Variants in CIB4 observed in about 807,000 individuals in gnomAD.
CIB4 encodes calcium and integrin-binding family member 4.
In CIB4, 25 loss-of-function variants were observed where a neutral mutation model predicts 25.8. That is an observed-to-expected ratio of 0.97 (90% confidence interval 0.71 to 1.35). CIB4 has a LOEUF of 1.35. Ranked by LOEUF, CIB4 falls within the 40% of genes most tolerant of loss-of-function variation. CIB4 has a pLI of 0.00. For synonymous variants in CIB4, 75 were observed against 81.4 expected (o/e 0.92, Z 0.42); for missense variants, 235 against 228.2 (o/e 1.03, Z -0.19).
At chr2:26,629,388 C>A in intron 3 of CIB4, 22 bp downstream of exon 3, 1 of 1,515,334 alleles carries the variant, frequency 6.6e-7, no homozygotes, top group Non-Finnish European at 9.0e-7. Context: ...TGCCCTTGCC[C>A]CACCCACCAT....
In CIB4 at chr2:26,582,861, A is replaced by G. The variant is rs764263564; in HGVS notation, c.491T>C (p.Phe164Ser). 2.5e-6 allele frequency: 4 copies of G among 1,613,668 alleles called. No homozygotes were observed. The highest frequency in any genetic ancestry group is 2.2e-5 in the South Asian group (2 of 91,042). Residue 164 changes from phenylalanine to serine, a missense_variant, in exon 6 of 7, where the codon TTT (phenylalanine) becomes TCT (serine). Transcript: ENST00000288861. ...DNDNMLSFSE[F>S]EHAMAKSPDF... ...TGGAGACTTGGCCATTGCATGTTCA[A>G]ACTCTGAGAAGGACAGCATGTTGTC...
chr2:26,592,720 A>G (rs1351128999), intron 4 of CIB4, among the ~76,000 whole-genome samples: 1 of 152,166 alleles, frequency 6.6e-6, no homozygotes, highest in Admixed American at 6.5e-5. Flanking sequence ...CTCTTCTGTT[A>G]TCTCAATTCT....
chr2:26,620,263 C>G (rs1669180214), intron 3 of CIB4, among the ~76,000 whole-genome samples: 1 of 152,212 alleles, frequency 6.6e-6, no homozygotes, highest in Non-Finnish European at 1.5e-5. Flanking sequence ...ATCCCGGAAT[C>G]CCCTACAGAC....
At chr2:26,633,931 C>G (rs1055678066) in intron 2 of CIB4, among the ~76,000 whole-genome samples, 2 of 152,152 alleles carry the variant, frequency 1.3e-5, no homozygotes, top group South Asian at 2.1e-4. Flanking sequence ...GTCCCAGCAT[C>G]CCCCCAGCTC....
At chr2:26,638,507 C>T (rs1322849711) in intron 2 of CIB4, among the ~76,000 whole-genome samples, 3 of 152,348 alleles carry the variant, frequency 2.0e-5, no homozygotes, top group East Asian at 3.9e-4. Flanking sequence ...CATGCTCTCT[C>T]CTGGCATATA....
chr2:26,640,709 G>A, intron 1 of CIB4, 142 bp from the exon 2 acceptor site: 1 of 799,200 alleles, frequency 1.3e-6, no homozygotes. Context: ...TGAGGTGGAT[G>A]CCTGAGGTGG....
chr2:26,589,003 T>C (rs376402518), intron 4 of CIB4, among the ~76,000 whole-genome samples: 8,048 of 25,794 alleles, frequency 0.31, 991 homozygotes, highest in Middle Eastern at 0.44. Context: ...CTTCTTCTTC[T>C]TCTTCTTCTT....
rs142942365 is a variant in CIB4, at chr2:26,616,656, G to A, written c.186+12754C>T. 1.6e-4 allele frequency among the ~76,000 whole-genome samples: 24 copies of A among 152,266 alleles called. No homozygotes were observed. In the East Asian group the frequency reaches 3.5e-3, roughly 22 times the overall value. ...ACCCAAGACAGACACTCCACAGGGC[G>A]TCCCAGATGTGTATGAGAAAAGCTA... On this transcript the variant is annotated intron_variant, in intron 3 of 6. Coordinates refer to ENST00000288861, the MANE Select transcript of CIB4 (RefSeq NM_001029881.3).
intron 4 of CIB4, among the ~76,000 whole-genome samples, chr2:26,593,882 C>T (rs1463884439): frequency 1.3e-5 from 2 of 152,008 alleles, no homozygotes; most frequent in East Asian, 1.9e-4. Context: ...GAGATATGGG[C>T]GTAGTTTACA....
Position 26,629,258 on chromosome 2 carries a change from C to G in CIB4, c.186+152G>C, listed in dbSNP as rs189260688. 3.4e-5 allele frequency: 21 copies of G among 621,384 alleles called. 1 individual carries two copies. The highest frequency in any genetic ancestry group is 1.3e-4 in the African/African-American group (7 of 55,214). The allele number at this position is 621,384 out of a possible 1,614,324, so 38.5% of individuals were successfully genotyped here. A position where few individuals can be genotyped will look rare whatever the true frequency, so the allele number is the denominator to read the frequency against. The stretch of plus-strand genomic sequence containing the variant: ...AGTGTTTGGGAGCCATGTCCTTGCA[C>G]TCCTCTGCCTGGAGGATCAGGAGCC... On this transcript the variant is annotated intron_variant, in intron 3 of 6. Transcript: ENST00000288861.
chr2:26,597,653 A>T (rs1254382665), intron 3 of CIB4, among the ~76,000 whole-genome samples: 2 of 152,136 alleles, frequency 1.3e-5, no homozygotes, highest in Non-Finnish European at 2.9e-5. Context: ...TTGTCCTTAA[A>T]TTTTTTTATT....
At chr2:26,606,409 C>G (rs1176447486) in intron 3 of CIB4, among the ~76,000 whole-genome samples, 1 of 152,184 alleles carries the variant, frequency 6.6e-6, no homozygotes, top group Non-Finnish European at 1.5e-5. Flanking sequence ...AGGCCAAATC[C>G]AGAAGGGAGG....
rs1354320072 is a variant in CIB4, at chr2:26,589,041, CTT to C, written c.329-5145_329-5144del. ...TCTTCTTCTTCTTCTTCTTCTTCTT[CTT>C]CTTCTTCTTCTTCTTCCTCTTCCTC... On this transcript the variant is annotated intron_variant, in intron 4 of 6. Transcript: ENST00000288861. Among the ~76,000 whole-genome samples the C allele has an allele frequency of 3.8e-4, 19 of 49,592 alleles. 2 individuals carry two copies. Among genetic ancestry groups the C allele is most frequent in the African/African-American group, 1.3e-3 (15 of 11,988 alleles). The allele number at this position is 49,592 out of a possible 152,430, so 32.5% of individuals were successfully genotyped here. A position where few individuals can be genotyped will look rare whatever the true frequency, so the allele number is the denominator to read the frequency against.
chr2:26,638,266 G>A (rs1042897312), intron 2 of CIB4, among the ~76,000 whole-genome samples: 7 of 152,300 alleles, frequency 4.6e-5, no homozygotes, highest in Admixed American at 6.5e-5. Flanking sequence ...GCTCTTCTCC[G>A]GGGAAAGGCA....
chr2:26,598,660 G>A (rs143888625), intron 3 of CIB4, among the ~76,000 whole-genome samples: 1 of 152,158 alleles, frequency 6.6e-6, no homozygotes, highest in East Asian at 1.9e-4. Context: ...TGTAAGGCCT[G>A]GCAGGCACCT....
At chr2:26,595,053 C>G in intron 4 of CIB4, 123 bp downstream of exon 4, 3 of 924,916 alleles carry the variant, frequency 3.2e-6, no homozygotes. Flanking sequence ...TGACACAGAC[C>G]CACAGATACC....
At chr2:26,624,263 G>A (rs904369623) in intron 3 of CIB4, among the ~76,000 whole-genome samples, 3 of 152,232 alleles carry the variant, frequency 2.0e-5, no homozygotes, top group Non-Finnish European at 4.4e-5. Context: ...TTCCAGAGAC[G>A]TGTTCTGGGC....
intron 3 of CIB4, among the ~76,000 whole-genome samples, chr2:26,596,746 TAA>T (rs11286952): frequency 5.8e-3 from 828 of 143,070 alleles, no homozygotes; most frequent in Middle Eastern, 0.025. Context: ...AAACTGCATC[TAA>T]AAAAAAAAAA....
chr2:26,599,273 C>T (rs982699754), intron 3 of CIB4, among the ~76,000 whole-genome samples: 5 of 151,960 alleles, frequency 3.3e-5, no homozygotes, highest in Admixed American at 6.5e-5. Flanking sequence ...TCCATTTATA[C>T]GTGATGAAAC....
Sources: allele counts gnomAD v4.1 joint callset (sites outside exome capture counted in the v4.1 genomes callset), GRCh38; gene constraint gnomAD v4.1.1; transcripts MANE v1.5; gene names NCBI Gene and HGNC (gene_info 2026-07-23, HGNC 2026-07-21).